Variants in EP400 observed in about 807,000 individuals in gnomAD.
EP400 encodes E1A-binding protein p400.
In EP400, 105 loss-of-function variants were observed where a neutral mutation model predicts 354.1. That is an observed-to-expected ratio of 0.30 (90% CI 0.25 to 0.35). The LOEUF is 0.35. Among genes scored for constraint, EP400 ranks in the 10% least tolerant of loss-of-function variants. The pLI is 1.00. For missense variants in EP400, 3,280 were observed against 4,121.0 expected (o/e 0.80, Z 5.59); for synonymous variants, 1,646 against 1,716.9 (o/e 0.96, Z 1.02).
At chr12:132,044,398 A>G in intron 35 of EP400, 87 bp downstream of exon 35, 1 of 1,501,402 alleles carries the variant, frequency 6.7e-7, no homozygotes, top group South Asian at 1.3e-5. Context: ...AAGTCTGTGT[A>G]CATTGACATG....
chr12:132,066,999 G>A, intron 49 of EP400, 30 bp downstream of exon 49: 1 of 1,538,970 alleles, frequency 6.5e-7, no homozygotes, highest in East Asian at 2.3e-5. Flanking sequence ...CTCCCGTCCT[G>A]GGCTTGAGCC....
chr12:132,015,581 C>T (rs1566187930), intron 19 of EP400, among the ~76,000 whole-genome samples: 1 of 152,170 alleles, frequency 6.6e-6, no homozygotes, highest in Non-Finnish European at 1.5e-5. Context: ...TTCAGGGTTG[C>T]AGTGTCGTCT....
intron 2 of EP400, among the ~76,000 whole-genome samples, chr12:131,967,366 G>A (rs1322051610): frequency 6.6e-6 from 1 of 151,444 alleles, no homozygotes; most frequent in African/African-American, 2.4e-5. Flanking sequence ...GGGTGACAGA[G>A]CAAGACTCTG....
At chr12:131,952,129 C>A (rs891281383) in intron 1 of EP400, among the ~76,000 whole-genome samples, 1 of 150,880 alleles carries the variant, frequency 6.6e-6, no homozygotes. Flanking sequence ...GTTTCACCCC[C>A]CATCTCTACT....
At chr12:131,992,409 G>A (rs554236987) in intron 11 of EP400, among the ~76,000 whole-genome samples, 179 bp downstream of exon 11, 2 of 152,322 alleles carry the variant, frequency 1.3e-5, no homozygotes, top group East Asian at 3.9e-4. Context: ...GAGGACTTGG[G>A]ATGTTTTCTG....
intron 19 of EP400, among the ~76,000 whole-genome samples, chr12:132,016,103 C>G (rs555201988): frequency 6.6e-6 from 1 of 152,356 alleles, no homozygotes; most frequent in South Asian, 2.1e-4. Flanking sequence ...CCGGAACCAT[C>G]CGTCGTCTCA....
chr12:132,064,530 C>A (rs987391455), intron 47 of EP400, 138 bp from the exon 48 acceptor site: 1 of 1,144,190 alleles, frequency 8.7e-7, no homozygotes, highest in South Asian at 1.6e-5. Flanking sequence ...CCATGGAAGG[C>A]GGTCTGGATG....
Position 132,018,163 on chromosome 12 carries a change from T to G in EP400, c.4111-47T>G. On this transcript the variant is annotated intron_variant, in intron 20 of 52. Coordinates refer to ENST00000389561, the MANE Select transcript of EP400 (RefSeq NM_015409.5). This position sits in a 1 kb window ranked among gnomAD's most constrained non-coding sequence, Gnocchi z 4.0. ...AAATCAGTTTTGATTCTTAGGTGCT[T>G]TTTTTGCCTCTTCATGCAGCAAGAC... The G allele has an allele frequency of 1.9e-6, 3 of 1,601,468 alleles. No homozygotes were observed. Among genetic ancestry groups the G allele is most frequent in the Non-Finnish European group, 2.5e-6 (3 of 1,177,040 alleles).
chr12:132,027,447 G>T lies in EP400; in HGVS notation c.5025G>T (p.Pro1675=). The T allele has an allele frequency of 6.2e-7, 1 of 1,614,068 alleles. No individual in the cohort carries two copies. The highest frequency in any genetic ancestry group is 2.2e-5 in the East Asian group (1 of 44,878). ...PAPLTPQVGV[P]GRVAVNALAV... is the part of the protein sequence containing the mutation. ...TTTATGCATTTGTAGTTGGCGTTCC[G>T]GGCCGCGTGGCGGTGAATGCCTTGG... Residue 1675 remains proline, a synonymous_variant, in exon 26 of 53, where the codon CCG becomes CCT. Coordinates refer to ENST00000389561, the MANE Select transcript of EP400 (RefSeq NM_015409.5). The surrounding 1 kb of genome is among the most constrained non-coding windows in gnomAD (Gnocchi z 4.9).
intron 5 of EP400, among the ~76,000 whole-genome samples, chr12:131,983,831 C>T (rs931286523): frequency 1.3e-5 from 2 of 152,056 alleles, no homozygotes; most frequent in South Asian, 2.1e-4. Flanking sequence ...AGGCGCACAC[C>T]ACTACACCTG....
At position 131,994,991 on chromosome 12, in the gene EP400, G is replaced by A; in HGVS notation, c.2827+35G>A. On this transcript the variant is annotated intron_variant, in intron 12 of 52. Coordinates refer to ENST00000389561, the MANE Select transcript of EP400 (RefSeq NM_015409.5). This position sits in a 1 kb window ranked among gnomAD's most constrained non-coding sequence, Gnocchi z 4.6. ...TGCTACCTTATTAAACATTCAGTAA[G>A]TAAAAAGAAACATTTAAAACATGTG... 6.3e-7 allele frequency: 1 copy of A among 1,576,234 alleles called. No individual in the cohort carries two copies.
chr12:132,042,247 G>A (rs1333207620), intron 32 of EP400, among the ~76,000 whole-genome samples: 5 of 152,274 alleles, frequency 3.3e-5, no homozygotes, highest in East Asian at 1.9e-4. Flanking sequence ...CACCGTGCCC[G>A]GCCAGTTGTC....
At chr12:131,992,288 A>G in intron 11 of EP400, 58 bp downstream of exon 11, 1 of 1,506,036 alleles carries the variant, frequency 6.6e-7, no homozygotes, top group Non-Finnish European at 9.0e-7. Flanking sequence ...GAGATGACAC[A>G]GAGCTGCAGC....
intron 4 of EP400, 133 bp from the exon 5 acceptor site, chr12:131,981,960 G>A: frequency 8.3e-7 from 1 of 1,211,150 alleles, no homozygotes; most frequent in Non-Finnish European, 1.1e-6. Flanking sequence ...GTGCTCGGTT[G>A]TGGCCAACTT....
intron 1 of EP400, among the ~76,000 whole-genome samples, chr12:131,956,873 C>CTTTTTTTTTTTTT: frequency 8.7e-6 from 1 of 115,404 alleles, no homozygotes; most frequent in Non-Finnish European, 1.7e-5. Flanking sequence ...TTTTTTTGTC[C>CTTTTTTTTTTTTT]TTTTTTTTTT....
chr12:131,974,567 T>C (rs544398854), intron 2 of EP400, among the ~76,000 whole-genome samples: 1 of 152,334 alleles, frequency 6.6e-6, no homozygotes, highest in East Asian at 1.9e-4. Flanking sequence ...TGCTGTGTTT[T>C]CCATGGATAA....
intron 22 of EP400, 83 bp from the exon 23 acceptor site, chr12:132,020,996 A>G (rs972731302): frequency 1.0e-5 from 15 of 1,439,690 alleles, no homozygotes; most frequent in Non-Finnish European, 1.4e-5. Flanking sequence ...TGTTTATTTT[A>G]TTTCTTTAAA....
rs1892980327 is a variant in EP400, at chr12:131,990,059, C to T, written c.2505C>T (p.Ala835=). 6.2e-7 allele frequency: 1 copy of T among 1,612,988 alleles called. No homozygotes were observed. The highest frequency in any genetic ancestry group is 2.2e-5 in the East Asian group (1 of 44,870). ...AGAGCAGACTGAGGCGGATAGCCGC[C>T]TCCACGGCCCGGGAGATAGAGTGCT... The part of the protein sequence containing the change: ...EEQSRLRRIA[A]STAREIECFW... Residue 835 remains alanine, a synonymous_variant, in exon 8 of 53, where the codon GCC becomes GCT. Transcript: ENST00000389561. This position sits in a 1 kb window ranked among gnomAD's most constrained non-coding sequence, Gnocchi z 4.2.
At chr12:132,037,654 C>T (rs1399251368) in intron 30 of EP400, 28 bp from the exon 31 acceptor site, 1 of 1,588,266 alleles carries the variant, frequency 6.3e-7, no homozygotes, top group Non-Finnish European at 8.6e-7. Context: ...TGGTGACTGA[C>T]TTAGCATCTT....
Sources: allele counts gnomAD v4.1 joint callset (sites outside exome capture counted in the v4.1 genomes callset), GRCh38; gene constraint gnomAD v4.1.1; non-coding constraint Gnocchi (gnomAD v3.1); transcripts MANE v1.5; gene names NCBI Gene and HGNC (gene_info 2026-07-23, HGNC 2026-07-21).